CNGA3: variants seen among roughly 807,000 people sequenced by gnomAD.
The protein encoded by CNGA3 is cyclic nucleotide-gated channel alpha-3.
In CNGA3, 42 loss-of-function variants were observed where a neutral mutation model predicts 46.6. That is an observed-to-expected ratio of 0.90 (90% CI 0.70 to 1.17). The LOEUF is 1.17. CNGA3 is among the 50% of genes most tolerant of loss of function. The pLI is 0.00. For missense variants in CNGA3, 893 were observed against 890.7 expected (o/e 1.00, Z -0.03); for synonymous variants, 394 against 369.4 (o/e 1.07, Z -0.76).
In CNGA3 at chr2:98,359,377, C is replaced by A. The variant is rs188225934; in HGVS notation, c.-37-10562C>A. 9.1e-4 allele frequency among the ~76,000 whole-genome samples: 138 copies of A among 152,342 alleles called. 1 individual carries two copies. The highest frequency in any genetic ancestry group is 1.4e-3 in the Non-Finnish European group (96 of 68,036). ...TCTGCAGTGTCACTGAGGCAAAGTA[C>A]ATGGGTTACCCAGCATGCAGCTGGT... On this transcript the variant is annotated intron_variant, in intron 1 of 7. Transcript: ENST00000272602.
intron 1 of CNGA3, among the ~76,000 whole-genome samples, chr2:98,365,376 A>G (rs931164941): frequency 9.2e-5 from 14 of 152,086 alleles, no homozygotes; most frequent in Non-Finnish European, 1.8e-4. Flanking sequence ...TCTGATGATT[A>G]TGTGTCTTGA....
At chr2:98,348,793 C>G (rs1369678046) in intron 1 of CNGA3, among the ~76,000 whole-genome samples, 1 of 152,140 alleles carries the variant, frequency 6.6e-6, no homozygotes, top group East Asian at 1.9e-4. Context: ...AGACACAGTC[C>G]CTGCCCTCTG....
At chr2:98,377,345 T>G in intron 2 of CNGA3, 1 of 267,182 alleles carries the variant, frequency 3.7e-6, no homozygotes, top group Non-Finnish European at 7.4e-6. Context: ...TCTGGAGTCA[T>G]TTTATGGAAG....
intron 1 of CNGA3, among the ~76,000 whole-genome samples, chr2:98,365,686 G>T (rs991390294): frequency 6.6e-5 from 10 of 151,602 alleles, no homozygotes; most frequent in Non-Finnish European, 1.5e-4. Flanking sequence ...TCTTTCCTCT[G>T]CTTGGTCTAT....
Position 98,397,187 on chromosome 2 carries a change from G to T in CNGA3, c.2017G>T (p.Gly673Trp). The change falls in exon 8 of 8, where the codon GGG (glycine) becomes TGG (tryptophan). Residue 673 changes from glycine (G) to tryptophan (W), a missense_variant. By Grantham distance (184) the Gly-to-Trp change is radical. Around this residue, in one of 3 missense-constraint regions of CNGA3, gnomAD observed 548 missense variants for 570.8 expected, o/e 0.96. Coordinates refer to ENST00000272602, the MANE Select transcript of CNGA3 (RefSeq NM_001298.3). ...SQLESQVKGG[G>W]DKPLADGEVP... ...ACTGGAAAGCCAGGTGAAGGGTGGT[G>T]GGGACAAGCCCCTGGCTGATGGGGA... 6.2e-7 allele frequency: 1 copy of T among 1,614,126 alleles called. No homozygotes were observed. Among genetic ancestry groups the T allele is most frequent in the Non-Finnish European group, 8.5e-7 (1 of 1,180,026 alleles).
At chr2:98,390,007 C>T (rs1483408664) in intron 6 of CNGA3, among the ~76,000 whole-genome samples, 4 of 152,292 alleles carry the variant, frequency 2.6e-5, no homozygotes, top group Admixed American at 1.3e-4. Flanking sequence ...GCCAGGGTTT[C>T]GGCACTGTGG....
chr2:98,390,409 A>G (rs1312777034), intron 6 of CNGA3, among the ~76,000 whole-genome samples: 1 of 151,870 alleles, frequency 6.6e-6, no homozygotes, highest in African/African-American at 2.4e-5. Flanking sequence ...TTGGCCTCCC[A>G]AAGTGCTGGG....
intron 2 of CNGA3, 68 bp downstream of exon 2, chr2:98,370,144 C>A: frequency 7.6e-7 from 1 of 1,317,742 alleles, no homozygotes; most frequent in Non-Finnish European, 1.1e-6. Context: ...CTGATCTAGA[C>A]TGTGGGGGAA....
At chr2:98,348,936 G>A (rs573726482) in intron 1 of CNGA3, among the ~76,000 whole-genome samples, 1 of 152,272 alleles carries the variant, frequency 6.6e-6, no homozygotes, top group African/African-American at 2.4e-5. Flanking sequence ...CCTGGTCAGG[G>A]TAGGCCTCCC....
chr2:98,393,223 CT>C (rs1443246721), intron 7 of CNGA3, among the ~76,000 whole-genome samples: 1 of 151,518 alleles, frequency 6.6e-6, no homozygotes, highest in Non-Finnish European at 1.5e-5. Context: ...AGAGCAAGAC[CT>C]TGTCTCAAAA....
At chr2:98,392,034 G>C in intron 7 of CNGA3, 64 bp downstream of exon 7, 1 of 1,429,372 alleles carries the variant, frequency 7.0e-7, no homozygotes. Context: ...GGGAGACCCA[G>C]CATGGTGGAT....
intron 1 of CNGA3, among the ~76,000 whole-genome samples, chr2:98,350,586 C>A (rs1420176927): frequency 6.6e-6 from 1 of 152,152 alleles, no homozygotes; most frequent in Non-Finnish European, 1.5e-5. Flanking sequence ...CAAAACTGAG[C>A]ACACTCAGAG....
At chr2:98,355,643 CAT>C (rs1691863912) in intron 1 of CNGA3, among the ~76,000 whole-genome samples, 1 of 152,210 alleles carries the variant, frequency 6.6e-6, no homozygotes, top group African/African-American at 2.4e-5. Context: ...TATTGACTAT[CAT>C]GGCCAAAATT....
chr2:98,366,786 T>C (rs1574367301), intron 1 of CNGA3, among the ~76,000 whole-genome samples: 2 of 152,180 alleles, frequency 1.3e-5, no homozygotes, highest in Non-Finnish European at 2.9e-5. Flanking sequence ...CGGCCACCCC[T>C]TTCCCCAGGA....
At position 98,396,401 on chromosome 2, in the gene CNGA3, G is replaced by A. The variant is rs1201579344; in HGVS notation, c.1231G>A (p.Ala411Thr). Residue 411 changes from alanine to threonine, a missense_variant, in exon 8 of 8, where the codon GCA becomes ACA. Physicochemically the swap from Ala to Thr is moderately conservative, Grantham distance 58 (BLOSUM62 0). Transcript: ENST00000272602. ...GATCTCGAATATGAATGCCTCACGGGCAGAGTTCCAGGCCAAGATTGATTC... is the reference window on the plus strand; with the variant it reads ...GATCTCGAATATGAATGCCTCACGGACAGAGTTCCAGGCCAAGATTGATTC... ...SMISNMNASR[A>T]EFQAKIDSIK... The A allele has an allele frequency of 6.2e-7, 1 of 1,613,838 alleles. No homozygotes were observed. Among genetic ancestry groups the A allele is most frequent in the African/African-American group, 1.3e-5 (1 of 74,898 alleles).
chr2:98,377,891 G>A (rs1692445008), intron 3 of CNGA3, 91 bp downstream of exon 3: 1 of 1,337,002 alleles, frequency 7.5e-7, no homozygotes. Flanking sequence ...GCTAGATGGG[G>A]GTGGAGTTGA....
In CNGA3 at chr2:98,377,795, C is replaced by T. The variant is rs145057274; in HGVS notation, c.210C>T (p.Ile70=). ...SGQGSFTGQG[I]ARLSRLIFLL... ...AGGGCTCCTTCACCGGCCAGGGGAT[C>T]GCCAGGTAACTGACCAGCCTCAGTC... Residue 70 remains isoleucine, a synonymous_variant, in exon 3 of 8, where the codon ATC becomes ATT. Coordinates refer to ENST00000272602, the MANE Select transcript of CNGA3 (RefSeq NM_001298.3). The T allele has an allele frequency of 1.1e-4, 183 of 1,609,990 alleles. No homozygotes were observed. Among genetic ancestry groups the T allele is most frequent in the African/African-American group, 9.6e-4 (72 of 74,966 alleles).
At chr2:98,348,344 CTA>C (rs1691691794) in intron 1 of CNGA3, among the ~76,000 whole-genome samples, 1 of 152,210 alleles carries the variant, frequency 6.6e-6, no homozygotes, top group African/African-American at 2.4e-5. Context: ...GCTCCTGTTT[CTA>C]TGTCTTTTCT....
At chr2:98,352,207 C>T (rs570420366) in intron 1 of CNGA3, among the ~76,000 whole-genome samples, 13 of 152,238 alleles carry the variant, frequency 8.5e-5, no homozygotes, top group East Asian at 7.7e-4. Flanking sequence ...TCTTTCCTAT[C>T]GCCAAATAAG....
Sources: gnomAD v4.1 joint callset for allele counts (sites outside exome capture counted in the v4.1 genomes callset) on GRCh38, gnomAD v4.1.1 for gene constraint, gnomAD v4.1.1 regional missense constraint, MANE v1.5 for transcripts, NCBI Gene and HGNC (gene_info 2026-07-23, HGNC 2026-07-21) for gene names.